Variants in CHD2 observed in about 807,000 individuals in gnomAD.
CHD2 encodes chromodomain helicase DNA binding protein 2.
A neutral mutation model predicts 243.9 loss-of-function variants in CHD2; 28 were observed. The ratio of observed to expected loss-of-function variants is 0.11; its 90% confidence interval spans 0.09 to 0.16. The LOEUF is 0.16. Among genes scored for constraint, CHD2 ranks in the 10% least tolerant of loss-of-function variants. The pLI is 1.00. For synonymous variants in CHD2, 775 were observed against 779.0 expected (o/e 0.99, Z 0.09); for missense variants, 1,386 against 2,209.8 (o/e 0.63, Z 7.47).
rs2052663652 is a variant in CHD2, at chr15:92,908,459, T to A, written c.62+7160T>A. Among the ~76,000 whole-genome samples the A allele has an allele frequency of 2.6e-5, 4 of 152,170 alleles. No homozygotes were observed. In the South Asian group the frequency reaches 8.3e-4, roughly 31 times the overall value. ...TTTTTTGGGTTATAGGTCAGATGGG[T>A]TCTACTTTTTATTCCCATTTCAGAC... On this transcript the variant is annotated intron_variant, in intron 2 of 38. Coordinates refer to ENST00000394196, the MANE Select transcript of CHD2 (RefSeq NM_001271.4).
rs568722773 is a variant in CHD2, at chr15:92,918,939, A to G, written c.63-5382A>G. 1.1e-4 allele frequency among the ~76,000 whole-genome samples: 16 copies of G among 148,728 alleles called. No homozygotes were observed. The South Asian group carries it at 3.4e-3, about 32-fold the overall frequency. On this transcript the variant is annotated intron_variant, in intron 2 of 38. Transcript: ENST00000394196. ...AGTGGTGTGATCTCGGCTCACTGAA[A>G]CGTCCACCTCCTGAGTTCAAGCGAT...
intron 24 of CHD2, 55 bp downstream of exon 24, chr15:92,981,512 A>G: frequency 7.3e-7 from 1 of 1,365,510 alleles, no homozygotes; most frequent in Non-Finnish European, 1.0e-6. Context: ...AATGATGACT[A>G]ATGTTTATGA....
intron 2 of CHD2, among the ~76,000 whole-genome samples, chr15:92,906,253 T>TTCTCTCTC (rs369399377): frequency 6.6e-6 from 1 of 150,978 alleles, no homozygotes; most frequent in Non-Finnish European, 1.5e-5. Context: ...TTCTCTCTCT[T>TTCTCTCTC]TCTCTCTCTC....
chr15:92,934,769 G>A lies in CHD2; in HGVS notation c.444-2749G>A, dbSNP rs183293707. On this transcript the variant is annotated intron_variant, in intron 5 of 38. Coordinates refer to ENST00000394196, the MANE Select transcript of CHD2 (RefSeq NM_001271.4). ...TCGTTCTTGAAAATGAAAAGAAAACGTGAAAGAATCCAACCAATTTCAAAT... is the reference window on the plus strand; with the variant it reads ...TCGTTCTTGAAAATGAAAAGAAAACATGAAAGAATCCAACCAATTTCAAAT... 2.4e-3 allele frequency among the ~76,000 whole-genome samples: 372 copies of A among 152,242 alleles called. 1 individual carries two copies. The highest frequency in any genetic ancestry group is 1.9e-3 in the Non-Finnish European group (132 of 68,018).
intron 5 of CHD2, among the ~76,000 whole-genome samples, chr15:92,933,731 G>T (rs780313904): frequency 6.6e-6 from 1 of 152,102 alleles, no homozygotes; most frequent in African/African-American, 2.4e-5. Flanking sequence ...TTAGCCTCCT[G>T]AGTAGTTGGG....
At chr15:92,940,849 TA>T (rs1442947345) in intron 7 of CHD2, among the ~76,000 whole-genome samples, 3 of 104,704 alleles carry the variant, frequency 2.9e-5, no homozygotes, top group African/African-American at 8.5e-5. Flanking sequence ...AAAATATATA[TA>T]AATATATAAA....
In CHD2 at chr15:92,939,727, T is replaced by C; in HGVS notation, c.692+9T>C. The C allele has an allele frequency of 6.2e-7, 1 of 1,612,444 alleles. No homozygotes were observed. Among genetic ancestry groups the C allele is most frequent in the Non-Finnish European group, 8.5e-7 (1 of 1,179,710 alleles). On this transcript the variant is annotated intron_variant, in intron 7 of 38. Coordinates refer to ENST00000394196, the MANE Select transcript of CHD2 (RefSeq NM_001271.4). ...GCGGCTAAAAACGTTAGGTAAGTTGTACCCCAGAAGTGTTTCACTGGTGTG... is the reference window on the plus strand; with the variant it reads ...GCGGCTAAAAACGTTAGGTAAGTTGCACCCCAGAAGTGTTTCACTGGTGTG...
intron 35 of CHD2, among the ~76,000 whole-genome samples, chr15:93,010,666 C>T (rs189644384): frequency 7.2e-4 from 109 of 152,268 alleles, no homozygotes; most frequent in African/African-American, 1.3e-3. Flanking sequence ...TTAGGTGATC[C>T]GCCCGCCTTG....
rs767490072 is a variant in CHD2, at chr15:93,024,933, G to C, written c.*228G>C. The C allele has an allele frequency of 8.1e-6, 4 of 491,654 alleles. No individual in the cohort carries two copies. The highest frequency in any genetic ancestry group is 1.4e-5 in the Non-Finnish European group (4 of 279,982). 30.5% of individuals were successfully genotyped at this position (491,654 alleles called of 1,614,324 possible). A position where few individuals can be genotyped will look rare whatever the true frequency, so the allele number is the denominator to read the frequency against. On this transcript the variant is annotated 3_prime_UTR_variant, in exon 39 of 39. Coordinates refer to ENST00000394196, the MANE Select transcript of CHD2 (RefSeq NM_001271.4). ...TGGCACCCCATCCCATTCCAGCCTA[G>C]TTCTGGCCTCCCACTTTGACGGGCA...
chr15:92,985,630 C>A lies in CHD2; in HGVS notation c.3370C>A (p.Arg1124=). The change falls in exon 26 of 39, where the codon CGG becomes AGG. Residue 1124 remains arginine (R), a synonymous_variant. Coordinates refer to ENST00000394196, the MANE Select transcript of CHD2 (RefSeq NM_001271.4). The part of the protein sequence containing the change: ...PKRRGRPRSV[R]KDLVEGFTDA... The stretch of plus-strand genomic sequence containing the variant: ...GCGCAGAGGGCGTCCGAGGAGTGTG[C>A]GGAAGGACCTCGTGGAGGGATTTAC... 6.2e-7 allele frequency: 1 copy of A among 1,613,444 alleles called. No homozygotes were observed. Among genetic ancestry groups the A allele is most frequent in the Non-Finnish European group, 8.5e-7 (1 of 1,179,876 alleles).
chr15:92,993,174 C>A, intron 28 of CHD2, 176 bp downstream of exon 28: 1 of 597,978 alleles, frequency 1.7e-6, no homozygotes, highest in Non-Finnish European at 2.9e-6. Flanking sequence ...CAGGTCTACT[C>A]ACAAATGAAG....
intron 15 of CHD2, among the ~76,000 whole-genome samples, chr15:92,955,816 A>G (rs1470727837): frequency 6.6e-6 from 1 of 152,202 alleles, no homozygotes; most frequent in East Asian, 1.9e-4. Flanking sequence ...ACAGAATGAA[A>G]GGGTATTGAA....
chr15:92,996,563 G>A (rs1881549383), intron 28 of CHD2, among the ~76,000 whole-genome samples: 1 of 152,166 alleles, frequency 6.6e-6, no homozygotes, highest in African/African-American at 2.4e-5. Flanking sequence ...TGAAGATCAA[G>A]TTCATTTTTA....
intron 26 of CHD2, 100 bp from the exon 27 acceptor site, chr15:92,991,376 C>A: frequency 1.3e-6 from 1 of 774,970 alleles, no homozygotes; most frequent in Non-Finnish European, 2.0e-6. Context: ...CTATTTTTGA[C>A]AATTTGCATG....
chr15:92,978,096 T>G, intron 20 of CHD2, 138 bp from the exon 21 acceptor site: 1 of 944,992 alleles, frequency 1.1e-6, no homozygotes, highest in Non-Finnish European at 1.6e-6. Flanking sequence ...TGACATTCTT[T>G]TAGCCTCCAT....
At chr15:92,984,587 A>G in intron 25 of CHD2, 87 bp downstream of exon 25, 3 of 1,262,698 alleles carry the variant, frequency 2.4e-6, no homozygotes, top group South Asian at 3.7e-5. Context: ...GAGGCCTTGC[A>G]TTGTTCCCCT....
At chr15:92,987,932 AC>A (rs2141854925) in intron 26 of CHD2, among the ~76,000 whole-genome samples, 1 of 152,300 alleles carries the variant, frequency 6.6e-6, no homozygotes, top group East Asian at 1.9e-4. Flanking sequence ...CTTTGAATTA[AC>A]ATCAATTTAA....
intron 6 of CHD2, among the ~76,000 whole-genome samples, chr15:92,938,439 T>C (rs562019286): frequency 6.6e-5 from 10 of 152,368 alleles, no homozygotes; most frequent in African/African-American, 2.4e-4. Flanking sequence ...GTCCCCATTT[T>C]GCCTCTTGGC....
rs1284946789 is a variant in CHD2 at position 93,014,887 on chromosome 15, C to T, written c.4884C>T (p.Asn1628=). The change falls in exon 37 of 39, where the codon AAC becomes AAT. Residue 1628 remains asparagine (N), a synonymous_variant. Coordinates refer to ENST00000394196, the MANE Select transcript of CHD2 (RefSeq NM_001271.4). ...GHPRDNYNHP[N]KRHFSNADRG... ...CAAGAGATAACTACAATCACCCCAA[C>T]AAGAGACACTTCAGTAATGCAGGTA... 2.5e-6 allele frequency: 4 copies of T among 1,614,016 alleles called. No individual in the cohort carries two copies. Among genetic ancestry groups the T allele is most frequent in the South Asian group, 2.2e-5 (2 of 91,086 alleles).
Sources: gnomAD v4.1 joint callset for allele counts (sites outside exome capture counted in the v4.1 genomes callset) on GRCh38, gnomAD v4.1.1 for gene constraint, MANE v1.5 for transcripts, NCBI Gene and HGNC (gene_info 2026-07-23, HGNC 2026-07-21) for gene names.